Variants in HNRNPLL observed in about 807,000 individuals in gnomAD.
HNRNPLL encodes the protein heterogeneous nuclear ribonucleoprotein L like, also known as heterogeneous nuclear ribonucleoprotein L-like.
HNRNPLL carries 25 observed loss-of-function variants against 67.1 expected under a neutral mutation model. The observed-to-expected ratio is 0.37, with a 90% CI of 0.27 to 0.52. HNRNPLL has a LOEUF of 0.52. Among genes scored for constraint, HNRNPLL ranks in the 20% least tolerant of loss-of-function variants. The pLI is 0.90. For missense variants in HNRNPLL, 542 were observed against 673.9 expected (o/e 0.80, Z 2.17); for synonymous variants, 267 against 241.7 (o/e 1.10, Z -0.97).
intron 3 of HNRNPLL, among the ~76,000 whole-genome samples, chr2:38,584,185 C>G (rs115921463): frequency 1.3e-5 from 2 of 152,156 alleles, no homozygotes; most frequent in African/African-American, 4.8e-5. Flanking sequence ...CTCAGCCTCC[C>G]GAGTAGCTGA....
At chr2:38,589,099 G>A (rs924948679) in intron 2 of HNRNPLL, among the ~76,000 whole-genome samples, 6 of 152,116 alleles carry the variant, frequency 3.9e-5, no homozygotes, top group Non-Finnish European at 7.4e-5. Flanking sequence ...AGGGGAAAAA[G>A]AAATACAACA....
chr2:38,571,020 C>T (rs1160254675), intron 8 of HNRNPLL, among the ~76,000 whole-genome samples: 1 of 151,926 alleles, frequency 6.6e-6, no homozygotes, highest in African/African-American at 2.4e-5. Flanking sequence ...ATTCCAGCCT[C>T]GGCGATAGAA....
intron 1 of HNRNPLL, among the ~76,000 whole-genome samples, chr2:38,601,399 GGATAT>G (rs1558551301): frequency 6.6e-6 from 1 of 152,104 alleles, no homozygotes; most frequent in African/African-American, 2.4e-5. Context: ...CCTAATAGTA[GGATAT>G]ATGTGTACAG....
At position 38,573,226 on chromosome 2, in the gene HNRNPLL, T is replaced by A; in HGVS notation, c.1076A>T (p.Tyr359Phe). ...CSRVFNLFCL[Y>F]GNIEKVKFMK... ...GAAACTTACCTTCTCAATATTTCCA[T>A]ATAAGCAGAACAGGTTGAAGACTCT... The change falls in exon 8 of 13, where the codon TAT (tyrosine) becomes TTT (phenylalanine). Residue 359 changes from tyrosine to phenylalanine, a missense_variant. This residue lies in a region of HNRNPLL where 415 missense variants were observed against 575.2 expected (regional missense o/e 0.72). Transcript: ENST00000449105. The A allele has an allele frequency of 6.3e-7, 1 of 1,594,724 alleles. No homozygotes were observed. Among genetic ancestry groups the A allele is most frequent in the Non-Finnish European group, 8.5e-7 (1 of 1,172,818 alleles).
intron 3 of HNRNPLL, 115 bp from the exon 4 acceptor site, chr2:38,584,041 A>G: frequency 2.2e-6 from 1 of 464,104 alleles, no homozygotes; most frequent in Non-Finnish European, 3.9e-6. Context: ...ATTTCTATTG[A>G]TTAATAAAAT....
chr2:38,596,314 G>A (rs1667187733), intron 1 of HNRNPLL, among the ~76,000 whole-genome samples: 1 of 130,772 alleles, frequency 7.6e-6, no homozygotes, highest in Admixed American at 8.2e-5. Flanking sequence ...CCAGGCTGGA[G>A]TGCAGTGGCA....
intron 7 of HNRNPLL, among the ~76,000 whole-genome samples, chr2:38,576,784 T>C (rs565355300): frequency 1.6e-4 from 25 of 152,006 alleles, no homozygotes; most frequent in Admixed American, 6.6e-4. Flanking sequence ...ACAGAATAGG[T>C]AGAGTCAATA....
At chr2:38,584,320 T>C (rs1666644383) in intron 3 of HNRNPLL, among the ~76,000 whole-genome samples, 1 of 152,156 alleles carries the variant, frequency 6.6e-6, no homozygotes, top group Admixed American at 6.5e-5. Context: ...CTCAGTCTCC[T>C]AAAGAACTAA....
chr2:38,579,836 G>C (rs931751695), intron 6 of HNRNPLL, among the ~76,000 whole-genome samples: 1 of 152,000 alleles, frequency 6.6e-6, no homozygotes, highest in African/African-American at 2.4e-5. Context: ...TGCAAGCTAA[G>C]AGCTCTACAG....
chr2:38,586,456 T>G (rs1053202733), intron 2 of HNRNPLL, among the ~76,000 whole-genome samples: 1 of 152,176 alleles, frequency 6.6e-6, no homozygotes, highest in Non-Finnish European at 1.5e-5. Flanking sequence ...CAACCCAGTT[T>G]ATTCTTTGGG....
chr2:38,591,691 T>A, intron 1 of HNRNPLL, 43 bp from the exon 2 acceptor site: 1 of 1,360,794 alleles, frequency 7.3e-7, no homozygotes, highest in Non-Finnish European at 1.0e-6. Context: ...ATTTTAAGTC[T>A]AAGGCCGAAC....
chr2:38,564,404 G>C (rs971159493), intron 12 of HNRNPLL, among the ~76,000 whole-genome samples, 167 bp from the exon 13 acceptor site: 3 of 151,910 alleles, frequency 2.0e-5, no homozygotes, highest in Admixed American at 6.6e-5. Flanking sequence ...TGGCTCACCT[G>C]AAGTCAGGAG....
chr2:38,575,816 A>G (rs1438226333), intron 7 of HNRNPLL, among the ~76,000 whole-genome samples: 5 of 151,808 alleles, frequency 3.3e-5, no homozygotes, highest in African/African-American at 9.7e-5. Flanking sequence ...GCTCAATATC[A>G]CTAGCACACA....
Position 38,602,505 on chromosome 2 carries a change from T to C in HNRNPLL, c.122A>G (p.Asn41Ser). ...GCCCCGGGGCGTCGCTTCCCGGCGG[T>C]TCTCGCCTTCCTCGGCCGAGTAGTC... ...EIDYSAEEGE[N>S]RREATPRGGG... is the part of the protein sequence containing the mutation. The change falls in exon 1 of 13, where the codon AAC (asparagine) becomes AGC (serine). Residue 41 changes from asparagine (N) to serine (S), a missense_variant. Physicochemically the swap from Asn to Ser is conservative, Grantham distance 46. Around this residue, in one of 2 missense-constraint regions of HNRNPLL, gnomAD observed 127 missense variants for 98.7 expected, o/e 1.29. Transcript: ENST00000449105. 2 of 1,548,492 alleles carry C rather than the reference T, an allele frequency of 1.3e-6. No homozygotes were observed. Among genetic ancestry groups the C allele is most frequent in the Non-Finnish European group, 1.7e-6 (2 of 1,148,296 alleles).
chr2:38,598,089 AAAT>A (rs1351799976), intron 1 of HNRNPLL, among the ~76,000 whole-genome samples: 1 of 150,276 alleles, frequency 6.7e-6, no homozygotes, highest in Non-Finnish European at 1.5e-5. Context: ...TTCTGTTTAA[AAAT>A]AAAAACATAA....
intron 1 of HNRNPLL, 145 bp from the exon 2 acceptor site, chr2:38,591,793 T>C (rs1369119513): frequency 1.0e-5 from 5 of 501,114 alleles, no homozygotes; most frequent in East Asian, 3.7e-5. Context: ...CTGGCCAACA[T>C]GGTGAAACCC....
chr2:38,602,612 A>G lies in HNRNPLL; in HGVS notation c.15T>C (p.Ser5=). 6.4e-7 allele frequency: 1 copy of G among 1,551,938 alleles called. No homozygotes were observed. The highest frequency in any genetic ancestry group is 8.7e-7 in the Non-Finnish European group (1 of 1,152,450). MSSS[S]SSPRETYEED... ...CCTCGTACGTCTCCCTGGGGGAGGA[A>G]GAGGAGGAGGACATGGCGGCGGCCG... Residue 5 remains serine (S), a synonymous_variant, in exon 1 of 13, where the codon TCT becomes TCC. Transcript: ENST00000449105.
chr2:38,570,047 T>C, intron 8 of HNRNPLL, 122 bp from the exon 9 acceptor site: 1 of 674,304 alleles, frequency 1.5e-6, no homozygotes, highest in Non-Finnish European at 2.6e-6. Context: ...GGATTTTAAC[T>C]ATACTCTGCC....
chr2:38,590,927 C>T (rs971892194), intron 2 of HNRNPLL, among the ~76,000 whole-genome samples: 1 of 152,094 alleles, frequency 6.6e-6, no homozygotes, highest in African/African-American at 2.4e-5. Context: ...ATAACCTGGG[C>T]TCAGGAGGTG....
Sources: gnomAD v4.1 joint callset for allele counts (sites outside exome capture counted in the v4.1 genomes callset) on GRCh38, gnomAD v4.1.1 for gene constraint, gnomAD v4.1.1 regional missense constraint, MANE v1.5 for transcripts, NCBI Gene and HGNC (gene_info 2026-07-23, HGNC 2026-07-21) for gene names.